Variants in MALAT1 observed in about 807,000 individuals in gnomAD.
The protein encoded by MALAT1 is hepcarcin.
intron 3 of MALAT1, chr11:65,505,462 A>AGGG (rs757568268): frequency 3.9e-6 from 2 of 512,972 alleles, no homozygotes; most frequent in South Asian, 2.8e-5. Flanking sequence ...CGGTGCTTGA[A>AGGG]GGGGAGGGAA....
At chr11:65,504,458 C>G (rs1203631740) in intron 3 of MALAT1, 1 of 518,736 alleles carries the variant, frequency 1.9e-6, no homozygotes, top group Non-Finnish European at 3.8e-6. Context: ...AAGTTGTGTT[C>G]CCCAATGCTT....
chr11:65,503,119 A>G (rs538579405), exon 3 of MALAT1: 7 of 508,670 alleles, frequency 1.4e-5, no homozygotes, highest in Admixed American at 6.1e-5. Flanking sequence ...TGCCTCAGAC[A>G]GGTATCTCTT....
intron 3 of MALAT1, chr11:65,505,667 C>A (rs752900695): frequency 3.9e-6 from 2 of 518,824 alleles, no homozygotes; most frequent in Non-Finnish European, 7.7e-6. Context: ...TTCAAGGTAA[C>A]GATGGTGTCG....
At chr11:65,504,683 A>C (rs748307717) in intron 3 of MALAT1, 2 of 518,976 alleles carry the variant, frequency 3.9e-6, no homozygotes, top group Admixed American at 3.9e-5. Context: ...CAGTGACAAG[A>C]AACATTCCAA....
intron 3 of MALAT1, chr11:65,504,666 TTAAAA>T: frequency 1.9e-6 from 1 of 518,966 alleles, no homozygotes. Context: ...AGATGCAACC[TTAAAA>T]TCAGTGACAA....
chr11:65,505,983 C>G (rs750819526), intron 3 of MALAT1: 7 of 455,916 alleles, frequency 1.5e-5, no homozygotes, highest in Non-Finnish European at 3.0e-5. Context: ...AAGCTAGCAT[C>G]TTAGCGGAAG....
intron 1 of MALAT1, chr11:65,498,073 A>G (rs367777720): frequency 7.1e-5 from 37 of 518,854 alleles, no homozygotes; most frequent in Non-Finnish European, 8.5e-5. Context: ...GAAGGTCTGA[A>G]GCTCATACCT....
intron 1 of MALAT1, chr11:65,498,016 C>T (rs574552556): frequency 3.3e-5 from 17 of 518,934 alleles, no homozygotes; most frequent in Middle Eastern, 3.2e-4. Context: ...GCAGTTTGGT[C>T]TTGGGGTTTG....
At chr11:65,498,265 T>C (rs748394498) in intron 1 of MALAT1, 1 of 518,646 alleles carries the variant, frequency 1.9e-6, no homozygotes, top group Non-Finnish European at 3.8e-6. Context: ...CCATGGCGAT[T>C]TGCCTTGTGA....
chr11:65,503,465 T>C (rs376748482), exon 3 of MALAT1: 2 of 517,368 alleles, frequency 3.9e-6, no homozygotes, highest in African/African-American at 1.9e-5. Context: ...TGATGCCAAC[T>C]AAGGAAATTT....
At chr11:65,504,677 G>A (rs775188440) in intron 3 of MALAT1, 1 of 518,890 alleles carries the variant, frequency 1.9e-6, no homozygotes, top group Admixed American at 1.9e-5. Context: ...TAAAATCAGT[G>A]ACAAGAAACA....
At chr11:65,499,313 T>G in exon 3 of MALAT1, 1 of 509,500 alleles carries the variant, frequency 2.0e-6, no homozygotes, top group South Asian at 1.4e-5. Context: ...GAGGTTGAGA[T>G]GAAGCTTCTT....
chr11:65,501,192 A>ATG, exon 3 of MALAT1: 4 of 462,958 alleles, frequency 8.6e-6, no homozygotes, highest in South Asian at 5.8e-5. Context: ...TAGAGTTTGG[A>ATG]TGTGTAACTG....
exon 3 of MALAT1, chr11:65,500,814 G>A (rs751247189): frequency 2.9e-5 from 15 of 518,760 alleles, no homozygotes; most frequent in Non-Finnish European, 5.0e-5. Context: ...ACTTACTTAT[G>A]GTAACCTTTT....
At chr11:65,497,899 T>TA (rs1400941865) in intron 1 of MALAT1, 1 of 518,556 alleles carries the variant, frequency 1.9e-6, no homozygotes, top group African/African-American at 1.9e-5. Flanking sequence ...GGAGCCCAGG[T>TA]TTCCCAGAGT....
At chr11:65,504,829 G>A (rs758599081) in intron 3 of MALAT1, 3 of 518,830 alleles carry the variant, frequency 5.8e-6, no homozygotes, top group South Asian at 2.8e-5. Flanking sequence ...GGAACACTCA[G>A]CAGACACACG....
In MALAT1 at chr11:65,498,827, A is replaced by C. The variant is rs77535011; in HGVS notation, n.231+93A>C. On this transcript the variant is annotated intron_variant and non_coding_transcript_variant, in intron 2 of 3. Coordinates refer to ENST00000619449, the Ensembl canonical transcript of MALAT1. ...TCTTTTGTCTAAAGTTTGCAGCTCA[A>C]ATCTTTCCACACGCTAGTAATTTAA... 2,372 of 518,846 alleles carry C rather than the reference A, an allele frequency of 4.6e-3. 44 individuals are homozygous for C. Among genetic ancestry groups the C allele is most frequent in the African/African-American group, 0.041 (2,129 of 52,060 alleles). 32.1% of individuals were successfully genotyped at this position (518,846 alleles called of 1,614,324 possible).
chr11:65,501,401 A>AG (rs778291697), exon 3 of MALAT1: 6 of 518,102 alleles, frequency 1.2e-5, no homozygotes, highest in South Asian at 8.4e-5. Context: ...TCTCACGTTG[A>AG]GGTCTGTGGA....
At chr11:65,498,987 ATTCCGGTG>A (rs1565673429) in exon 3 of MALAT1, 2 of 518,816 alleles carry the variant, frequency 3.9e-6, no homozygotes, top group East Asian at 1.1e-4. Context: ...AGGTGATCGA[ATTCCGGTG>A]ATGCGAGTTG....
Sources: allele counts gnomAD v4.1 joint callset, GRCh38; gene constraint gnomAD v4.1.1; transcripts MANE v1.5; gene names NCBI Gene and HGNC (gene_info 2026-07-23, HGNC 2026-07-21).